The following TGM3 variants were observed in gnomAD, a reference collection of about 807,000 sequenced individuals.
TGM3 encodes the protein transglutaminase 3, also known as protein-glutamine gamma-glutamyltransferase E.
TGM3 carries 52 observed loss-of-function variants against 73.8 expected under a neutral mutation model. The observed-to-expected ratio is 0.70, with a 90% confidence interval of 0.56 to 0.89. The LOEUF is 0.89. TGM3 is among the 40% of genes least tolerant of loss of function. The pLI, the probability that TGM3 is intolerant of heterozygous loss-of-function variation, is 0.00. For synonymous variants in TGM3, 372 were observed against 354.9 expected (o/e 1.05, Z -0.54); for missense variants, 928 against 909.9 (o/e 1.02, Z -0.26).
intron 1 of TGM3, among the ~76,000 whole-genome samples, chr20:2,301,903 G>T (rs2084150331): frequency 6.6e-6 from 1 of 152,168 alleles, no homozygotes; most frequent in South Asian, 2.1e-4. Context: ...GTTTTGCCAT[G>T]TTGGCCAGGC....
chr20:2,316,842 T>G (rs1568626629), intron 5 of TGM3, among the ~76,000 whole-genome samples: 2 of 152,108 alleles, frequency 1.3e-5, no homozygotes, highest in Non-Finnish European at 2.9e-5. Context: ...CAATCAAACA[T>G]GGCCTGTTTG....
At chr20:2,301,430 T>A (rs2084147182) in intron 1 of TGM3, among the ~76,000 whole-genome samples, 1 of 136,346 alleles carries the variant, frequency 7.3e-6, no homozygotes, top group African/African-American at 2.8e-5. Flanking sequence ...TTCTGACCTG[T>A]CATGTGGGCA....
intron 7 of TGM3, among the ~76,000 whole-genome samples, chr20:2,318,896 G>T (rs2084249247): frequency 6.6e-6 from 1 of 152,184 alleles, no homozygotes; most frequent in Non-Finnish European, 1.5e-5. Flanking sequence ...CTCCATGCCA[G>T]CAACCGAGTT....
chr20:2,316,333 A>G (rs928613722), intron 5 of TGM3, among the ~76,000 whole-genome samples: 2 of 152,220 alleles, frequency 1.3e-5, no homozygotes, highest in East Asian at 3.8e-4. Context: ...TAATCCCAGC[A>G]CTTTGGGAGC....
chr20:2,334,615 A>G lies in TGM3; in HGVS notation c.1643-501A>G, dbSNP rs1279506995. Among the ~76,000 whole-genome samples the G allele has an allele frequency of 2.0e-5, 3 of 152,150 alleles. No individual in the cohort carries two copies. The highest frequency in any genetic ancestry group is 7.2e-5 in the African/African-American group (3 of 41,510). On this transcript the variant is annotated intron_variant, in intron 10 of 12. Coordinates refer to ENST00000381458, the MANE Select transcript of TGM3 (RefSeq NM_003245.4). This position sits in a 1 kb window ranked among gnomAD's most constrained non-coding sequence, Gnocchi z 4.0. Reference sequence around the variant, plus strand: ...GTCATGATTGCTACTGTTGTTGGCAATCAGGTGGCATTTGTATTCTTCCAC... The same window carrying G: ...GTCATGATTGCTACTGTTGTTGGCAGTCAGGTGGCATTTGTATTCTTCCAC...
In TGM3 at chr20:2,331,990, C is replaced by T. The variant is rs1237262082; in HGVS notation, c.1334-12C>T. On this transcript the variant is annotated splice_polypyrimidine_tract_variant and intron_variant, in intron 9 of 12. Transcript: ENST00000381458. ...CATCCCTGGCATGTTTCTGTCTTTT[C>T]CCACCACACAGGCTCTGACCAGGAA... 1 of 1,582,976 alleles carries T rather than the reference C, an allele frequency of 6.3e-7. No individual in the cohort carries two copies. The highest frequency in any genetic ancestry group is 8.6e-7 in the Non-Finnish European group (1 of 1,164,198).
intron 12 of TGM3, 111 bp from the exon 13 acceptor site, chr20:2,340,323 G>A: frequency 6.8e-7 from 1 of 1,468,540 alleles, no homozygotes; most frequent in Non-Finnish European, 9.3e-7. Context: ...AGCTAAAGAA[G>A]CAGTGGCCTT....
intron 11 of TGM3, 115 bp from the exon 12 acceptor site, chr20:2,339,739 C>T (rs1205299111): frequency 6.9e-7 from 1 of 1,441,648 alleles, no homozygotes; most frequent in Non-Finnish European, 9.5e-7. Context: ...GTCTCCCCTT[C>T]TTCATCCTCA....
At position 2,310,255 on chromosome 20, in the gene TGM3, G is replaced by T. The variant is rs1280808642; in HGVS notation, c.259G>T (p.Val87Leu). The change falls in exon 3 of 13, where the codon GTG (valine) becomes TTG (leucine). Residue 87 changes from valine to leucine, a missense_variant. Transcript: ENST00000381458. ...TGGCAGTAGTGGTGGCTGGAGTGCG[G>T]TGCTTCAGGCCAGCAATGGCAATAC... is the stretch of plus-strand genomic sequence containing the variant. ...SNGSSGGWSA[V>L]LQASNGNTLT... 2 of 1,614,116 alleles carry T rather than the reference G, an allele frequency of 1.2e-6. No homozygotes were observed. The highest frequency in any genetic ancestry group is 1.7e-6 in the Non-Finnish European group (2 of 1,180,048).
In TGM3 at chr20:2,317,106, T is replaced by C. The variant is rs528879669; in HGVS notation, c.708T>C (p.Asn236=). ...SNDDNGVLAG[N]WSGTYTGGRD... is the part of the protein sequence containing the mutation. ...ATGACAATGGTGTGCTTGCTGGGAA[T>C]TGGAGCGGCACTTACACCGGTGGCC... Residue 236 remains asparagine, a synonymous_variant, in exon 6 of 13, where the codon AAT becomes AAC. Transcript: ENST00000381458. 1 of 1,613,950 alleles carries C rather than the reference T, an allele frequency of 6.2e-7. No individual in the cohort carries two copies. Among genetic ancestry groups the C allele is most frequent in the Admixed American group, 1.7e-5 (1 of 60,012 alleles).
At chr20:2,299,534 C>T (rs2084131276) in intron 1 of TGM3, among the ~76,000 whole-genome samples, 1 of 152,194 alleles carries the variant, frequency 6.6e-6, no homozygotes, top group Non-Finnish European at 1.5e-5. Flanking sequence ...TAGGAAATCT[C>T]GCTTAGCAGT....
chr20:2,340,461 G>A lies in TGM3; in HGVS notation c.1962G>A (p.Gly654=), dbSNP rs774105549. 1.2e-6 allele frequency: 2 copies of A among 1,613,886 alleles called. No homozygotes were observed. The highest frequency in any genetic ancestry group is 2.2e-5 in the East Asian group (1 of 44,870). ...TGCCGACCCTAGGGCCCAAGGAGGG[G>A]TCCCGGGTCCGTTTTGATATCCTGC... The part of the protein sequence containing the change: ...IDVPTLGPKE[G]SRVRFDILPS... The change falls in exon 13 of 13, where the codon GGG becomes GGA. Residue 654 remains glycine (G), a synonymous_variant. Coordinates refer to ENST00000381458, the MANE Select transcript of TGM3 (RefSeq NM_003245.4).
rs138142425 is a variant in TGM3, at chr20:2,329,938, G to A, written c.1333+1573G>A. Among the ~76,000 whole-genome samples the A allele has an allele frequency of 2.5e-3, 381 of 152,190 alleles. 1 individual carries two copies. The highest frequency in any genetic ancestry group is 8.8e-3 in the African/African-American group (367 of 41,514). ...CCAAGGTGACTATTTTGCAGGCGCT[G>A]CTTACATGACTGTACGATCCTGTGG... On this transcript the variant is annotated intron_variant, in intron 9 of 12. Coordinates refer to ENST00000381458, the MANE Select transcript of TGM3 (RefSeq NM_003245.4).
intron 5 of TGM3, among the ~76,000 whole-genome samples, chr20:2,313,935 G>T (rs558889962): frequency 3.9e-5 from 6 of 152,124 alleles, no homozygotes; most frequent in African/African-American, 1.4e-4. Flanking sequence ...CAGCACTTTG[G>T]TGGGGAGATG....
In TGM3 at chr20:2,316,988, T is replaced by A. The variant is rs1297352031; in HGVS notation, c.670-80T>A. Reference sequence around the variant, plus strand: ...GGCTTCCTTCCTCATCTCCCCACCTTGTCCTCTGAATTCTGCATGTCAGTC... The same window carrying A: ...GGCTTCCTTCCTCATCTCCCCACCTAGTCCTCTGAATTCTGCATGTCAGTC... On this transcript the variant is annotated intron_variant, in intron 5 of 12. Transcript: ENST00000381458. The A allele has an allele frequency of 2.6e-6, 4 of 1,529,574 alleles. No homozygotes were observed. The African/African-American group carries it at 5.5e-5, about 21-fold the overall frequency. The allele number at this position is 1,529,574 out of a possible 1,614,324, so 94.8% of individuals were successfully genotyped here.
intron 1 of TGM3, among the ~76,000 whole-genome samples, chr20:2,305,252 AGTCACTG>A (rs45603839): frequency 0.75 from 113,106 of 151,504 alleles, 43,783 homozygotes; most frequent in East Asian, 0.93. Context: ...CCAAGTCTCT[AGTCACTG>A]GTTGGTTCCC....
chr20:2,334,148 G>A lies in TGM3; in HGVS notation c.1643-968G>A, dbSNP rs1237699322. Among the ~76,000 whole-genome samples, 1 of 152,224 alleles carries A rather than the reference G, an allele frequency of 6.6e-6. No homozygotes were observed. Among genetic ancestry groups the A allele is most frequent in the Admixed American group, 6.5e-5 (1 of 15,288 alleles). ...AAGAGAGGACTTAAAGCGTGGGGAAGGAGCCGGATGCATGGAGAGAAGCCA... is the reference window on the plus strand; with the variant it reads ...AAGAGAGGACTTAAAGCGTGGGGAAAGAGCCGGATGCATGGAGAGAAGCCA... On this transcript the variant is annotated intron_variant, in intron 10 of 12. Coordinates refer to ENST00000381458, the MANE Select transcript of TGM3 (RefSeq NM_003245.4). This position sits in a 1 kb window ranked among gnomAD's most constrained non-coding sequence, Gnocchi z 4.0.
At chr20:2,337,945 T>A (rs376548411) in intron 11 of TGM3, among the ~76,000 whole-genome samples, 1 of 152,168 alleles carries the variant, frequency 6.6e-6, no homozygotes, top group African/African-American at 2.4e-5. Flanking sequence ...TTTTAAAAAT[T>A]TAATCTTTTT....
At chr20:2,316,132 C>T (rs2084231920) in intron 5 of TGM3, among the ~76,000 whole-genome samples, 1 of 152,204 alleles carries the variant, frequency 6.6e-6, no homozygotes, top group South Asian at 2.1e-4. Flanking sequence ...GTGATCTTTC[C>T]AGGCTGCCTC....
Sources: gnomAD v4.1 joint callset for allele counts (sites outside exome capture counted in the v4.1 genomes callset) on GRCh38, gnomAD v4.1.1 for gene constraint, Gnocchi (gnomAD v3.1) non-coding constraint, MANE v1.5 for transcripts, NCBI Gene and HGNC (gene_info 2026-07-23, HGNC 2026-07-21) for gene names.